The following MAN2A1 variants were observed in gnomAD, a reference collection of about 807,000 sequenced individuals.
The protein encoded by MAN2A1 is mannosidase alpha class 2A member 1.
MAN2A1 carries 76 observed loss-of-function variants against 142.6 expected under a neutral mutation model. That is an observed-to-expected ratio of 0.53 (90% CI 0.44 to 0.65). The LOEUF is 0.65. Among genes scored for constraint, MAN2A1 ranks in the 30% least tolerant of loss-of-function variants. MAN2A1 has a pLI of 0.00. For missense variants in MAN2A1, 1,311 were observed against 1,365.1 expected (o/e 0.96, Z 0.62); for synonymous variants, 559 against 473.2 (o/e 1.18, Z -2.35).
intron 12 of MAN2A1, among the ~76,000 whole-genome samples, chr5:109,799,394 C>G (rs1194807155): frequency 1.3e-5 from 2 of 152,164 alleles, no homozygotes; most frequent in Non-Finnish European, 2.9e-5. Context: ...AGAGAACTAT[C>G]AATTCTTGGA....
chr5:109,800,060 C>G (rs766029534), intron 12 of MAN2A1, among the ~76,000 whole-genome samples: 3 of 147,158 alleles, frequency 2.0e-5, no homozygotes, highest in Non-Finnish European at 4.4e-5. Flanking sequence ...TGCACTCCAG[C>G]CAGGGCAACA....
Position 109,713,513 on chromosome 5 carries a change from A to AT in MAN2A1, c.136-5dup. 1 of 1,578,430 alleles carries AT rather than the reference A, an allele frequency of 6.3e-7. No homozygotes were observed. The highest frequency in any genetic ancestry group is 1.9e-5 in the Admixed American group (1 of 53,252). ...TCATATAGCTGCCTTTTTCTTTTTT[A>AT]TTGTAGGGCCAGCTCTCAATGTTGC... On this transcript the variant is annotated splice_region_variant and splice_polypyrimidine_tract_variant and intron_variant, in intron 1 of 21. Coordinates refer to ENST00000261483, the MANE Select transcript of MAN2A1 (RefSeq NM_002372.4).
chr5:109,814,048 A>G (rs189354131), intron 12 of MAN2A1, among the ~76,000 whole-genome samples: 2 of 152,278 alleles, frequency 1.3e-5, no homozygotes, highest in Admixed American at 1.3e-4. Flanking sequence ...TGGGGGCCCA[A>G]TGTCACAGTG....
intron 16 of MAN2A1, among the ~76,000 whole-genome samples, chr5:109,839,649 CTTTTTTTTTTTT>C (rs34820879): frequency 9.1e-6 from 1 of 109,846 alleles, no homozygotes; most frequent in Non-Finnish European, 1.9e-5. Context: ...CTGTCTCTCT[CTTTTTTTTTTTT>C]TTTTTTTTAA....
At chr5:109,735,159 T>A (rs1752051467) in intron 4 of MAN2A1, among the ~76,000 whole-genome samples, 1 of 152,140 alleles carries the variant, frequency 6.6e-6, no homozygotes, top group South Asian at 2.1e-4. Context: ...TCTTTGTTGG[T>A]TTAAAGTCTG....
intron 4 of MAN2A1, among the ~76,000 whole-genome samples, chr5:109,736,320 A>G (rs950953183): frequency 6.6e-6 from 1 of 152,126 alleles, no homozygotes; most frequent in Non-Finnish European, 1.5e-5. Context: ...CCACATAAGC[A>G]TTGATATTTG....
chr5:109,866,375 G>C (rs1477006157), intron 21 of MAN2A1, among the ~76,000 whole-genome samples: 1 of 152,104 alleles, frequency 6.6e-6, no homozygotes, highest in East Asian at 1.9e-4. Flanking sequence ...GTGAGCCTGT[G>C]TGCTCTCTCT....
chr5:109,844,255 A>G (rs1197279443), intron 17 of MAN2A1, among the ~76,000 whole-genome samples: 1 of 152,236 alleles, frequency 6.6e-6, no homozygotes, highest in Non-Finnish European at 1.5e-5. Flanking sequence ...AAAAGAAAAT[A>G]TTACTTTTAA....
chr5:109,802,482 G>A (rs1197503271), intron 12 of MAN2A1, among the ~76,000 whole-genome samples: 1 of 152,072 alleles, frequency 6.6e-6, no homozygotes, highest in Non-Finnish European at 1.5e-5. Flanking sequence ...TAGAGTATTG[G>A]TTTGGGCGAA....
At chr5:109,840,818 G>T (rs529925007) in intron 16 of MAN2A1, 5 of 226,374 alleles carry the variant, frequency 2.2e-5, no homozygotes, top group Non-Finnish European at 3.5e-5. Flanking sequence ...GAGTCCTGAG[G>T]AGAAGCCTTG....
rs577010078 is a variant in MAN2A1 at position 109,767,323 on chromosome 5, G to A, written c.836-212G>A. ...TTTGAACTCTAACTGATTAATTTCAGTGAGCATCCTCTGCCTATGTGGATA... is the reference window on the plus strand; with the variant it reads ...TTTGAACTCTAACTGATTAATTTCAATGAGCATCCTCTGCCTATGTGGATA... On this transcript the variant is annotated intron_variant, in intron 5 of 21. Coordinates refer to ENST00000261483, the MANE Select transcript of MAN2A1 (RefSeq NM_002372.4). 2.1e-4 allele frequency among the ~76,000 whole-genome samples: 32 copies of A among 152,240 alleles called. 1 individual carries two copies. The South Asian group carries it at 6.0e-3, about 29-fold the overall frequency.
At chr5:109,812,148 T>C (rs1306761209) in intron 12 of MAN2A1, among the ~76,000 whole-genome samples, 1 of 152,190 alleles carries the variant, frequency 6.6e-6, no homozygotes, top group Non-Finnish European at 1.5e-5. Context: ...GGTGGTTTTC[T>C]AAACATTTTA....
At position 109,819,858 on chromosome 5, in the gene MAN2A1, C is replaced by T. The variant is rs746353904; in HGVS notation, c.2299C>T (p.Leu767Phe). ...GITLENSFVL[L>F]RFDQTGLMKQ... ...AACACTAGAGAACTCCTTTGTTTTA[C>T]TTCGGTTTGATCAAACTGGACTTAT... Residue 767 changes from leucine (L) to phenylalanine (F), a missense_variant, in exon 14 of 22, where the codon CTT (leucine) becomes TTT (phenylalanine). Around this residue, in one of 3 missense-constraint regions of MAN2A1, gnomAD observed 890 missense variants for 920.5 expected, o/e 0.97. Coordinates refer to ENST00000261483, the MANE Select transcript of MAN2A1 (RefSeq NM_002372.4). The T allele has an allele frequency of 1.9e-6, 3 of 1,600,378 alleles. No homozygotes were observed. Among genetic ancestry groups the T allele is most frequent in the South Asian group, 1.1e-5 (1 of 88,368 alleles).
intron 20 of MAN2A1, 73 bp from the exon 21 acceptor site, chr5:109,864,963 G>T: frequency 1.0e-6 from 1 of 998,960 alleles, no homozygotes; most frequent in South Asian, 1.3e-5. Context: ...GACATCGAGA[G>T]AGTGGTGTGT....
intron 12 of MAN2A1, among the ~76,000 whole-genome samples, chr5:109,810,835 A>G (rs1754296489): frequency 6.6e-6 from 1 of 152,178 alleles, no homozygotes; most frequent in Non-Finnish European, 1.5e-5. Context: ...AGTAGAAGTG[A>G]GAGCTCTTGT....
intron 20 of MAN2A1, 155 bp from the exon 21 acceptor site, chr5:109,864,881 G>T (rs1755840017): frequency 1.6e-6 from 1 of 625,322 alleles, no homozygotes; most frequent in African/African-American, 1.8e-5. Context: ...AGGTGAATGG[G>T]CAGTGAGCAT....
At chr5:109,731,824 A>T (rs6897420) in intron 4 of MAN2A1, among the ~76,000 whole-genome samples, 2 of 146,336 alleles carry the variant, frequency 1.4e-5, no homozygotes, top group Admixed American at 6.8e-5. Context: ...ATAAACATAC[A>T]TGTGCATGTG....
intron 5 of MAN2A1, 52 bp downstream of exon 5, chr5:109,755,508 G>A (rs1409731471): frequency 3.4e-6 from 5 of 1,451,824 alleles, no homozygotes; most frequent in African/African-American, 1.4e-5. Flanking sequence ...TTAATTTTCG[G>A]GATGTGAAGT....
chr5:109,753,564 A>G (rs2112624733), intron 4 of MAN2A1, among the ~76,000 whole-genome samples: 1 of 152,334 alleles, frequency 6.6e-6, no homozygotes, highest in East Asian at 1.9e-4. Context: ...TAATTTTTGC[A>G]GGGAATTTAT....
Sources: allele counts gnomAD v4.1 joint callset (sites outside exome capture counted in the v4.1 genomes callset), GRCh38; gene constraint gnomAD v4.1.1; regional missense constraint gnomAD v4.1.1; transcripts MANE v1.5; gene names NCBI Gene and HGNC (gene_info 2026-07-23, HGNC 2026-07-21).